The following PDZRN3 variants were observed in gnomAD, a reference collection of about 807,000 sequenced individuals.
PDZRN3 encodes the protein PDZ domain containing ring finger 3, also known as E3 ubiquitin-protein ligase PDZRN3.
A neutral mutation model predicts 85.7 loss-of-function variants in PDZRN3; 38 were observed. The observed-to-expected ratio is 0.44, with a 90% CI of 0.34 to 0.58. The LOEUF is 0.58. Among genes scored for constraint, PDZRN3 ranks in the 20% least tolerant of loss-of-function variants. The pLI is 0.01. For synonymous variants in PDZRN3, 759 were observed against 638.0 expected (o/e 1.19, Z -2.86); for missense variants, 1,629 against 1,506.4 (o/e 1.08, Z -1.35).
chr3:73,549,640 G>C (rs1232317810), intron 3 of PDZRN3, among the ~76,000 whole-genome samples: 1 of 152,202 alleles, frequency 6.6e-6, no homozygotes, highest in East Asian at 1.9e-4. Flanking sequence ...AATGGAACTA[G>C]AAGTCCCAAG....
chr3:73,569,711 T>G (rs1408923436), intron 3 of PDZRN3, among the ~76,000 whole-genome samples: 1 of 152,204 alleles, frequency 6.6e-6, no homozygotes, highest in East Asian at 1.9e-4. Flanking sequence ...ATGCACTCAC[T>G]GAGCCTACCC....
At chr3:73,498,588 C>CT (rs1186666541) in intron 3 of PDZRN3, among the ~76,000 whole-genome samples, 1,702 of 143,980 alleles carry the variant, frequency 0.012, 15 homozygotes, top group African/African-American at 0.038. Flanking sequence ...TGATTCATAA[C>CT]TTTTTTTTTT....
At chr3:73,560,407 T>A (rs767819515) in intron 3 of PDZRN3, among the ~76,000 whole-genome samples, 3 of 152,058 alleles carry the variant, frequency 2.0e-5, no homozygotes, top group Non-Finnish European at 4.4e-5. Flanking sequence ...CCCAACTATA[T>A]AAGGGTGTGT....
chr3:73,455,716 G>A (rs1049634226), intron 3 of PDZRN3, among the ~76,000 whole-genome samples: 1 of 152,154 alleles, frequency 6.6e-6, no homozygotes, highest in Non-Finnish European at 1.5e-5. Context: ...ATAATAGATC[G>A]TTTTTCTCTA....
At chr3:73,607,945 AAAGGATGGGAC>A (rs770304235) in intron 2 of PDZRN3, among the ~76,000 whole-genome samples, 2 of 152,224 alleles carry the variant, frequency 1.3e-5, no homozygotes, top group Non-Finnish European at 2.9e-5. Context: ...AGAAAAGGGT[AAAGGATGGGAC>A]ATATTCAGAT....
Position 73,443,485 on chromosome 3 carries a change from T to TC in PDZRN3, c.919-39091_919-39090insG, listed in dbSNP as rs5850111. ...TTGATTTATTTTCCTTTTTCTTTTT[T>TC]TTTTTTTTTTTTTGGGGGGGGGACA... On this transcript the variant is annotated intron_variant, in intron 3 of 9. Coordinates refer to ENST00000263666, the MANE Select transcript of PDZRN3 (RefSeq NM_015009.3). Among the ~76,000 whole-genome samples, 45 of 123,148 alleles carry TC rather than the reference T, an allele frequency of 3.7e-4. 2 individuals are homozygous for TC. Among genetic ancestry groups the TC allele is most frequent in the Admixed American group, 3.8e-4 (5 of 13,154 alleles). 80.8% of individuals were successfully genotyped at this position (123,148 alleles called of 152,430 possible).
chr3:73,582,119 G>T (rs114073130), intron 3 of PDZRN3, among the ~76,000 whole-genome samples: 2 of 152,038 alleles, frequency 1.3e-5, no homozygotes, highest in Non-Finnish European at 2.9e-5. Context: ...AAGAAAAACC[G>T]ACATCTCATA....
chr3:73,528,254 G>A (rs1704571114), intron 3 of PDZRN3, among the ~76,000 whole-genome samples: 1 of 152,226 alleles, frequency 6.6e-6, no homozygotes, highest in Non-Finnish European at 1.5e-5. Flanking sequence ...TTTAACTGGT[G>A]TGCCAGGAAG....
chr3:73,453,634 A>G (rs1702919574), intron 3 of PDZRN3, among the ~76,000 whole-genome samples: 1 of 151,818 alleles, frequency 6.6e-6, no homozygotes, highest in Admixed American at 6.6e-5. Context: ...TATATAATCA[A>G]GAATGATTTT....
At chr3:73,588,579 A>C (rs1165125252) in intron 3 of PDZRN3, among the ~76,000 whole-genome samples, 4 of 152,114 alleles carry the variant, frequency 2.6e-5, no homozygotes, top group Non-Finnish European at 4.4e-5. Flanking sequence ...TACTCCCACT[A>C]ATTAGTTTTG....
intron 2 of PDZRN3, among the ~76,000 whole-genome samples, chr3:73,603,543 T>C (rs959187949): frequency 2.0e-5 from 3 of 152,212 alleles, no homozygotes; most frequent in Admixed American, 6.5e-5. Context: ...TCATTTGAAA[T>C]GTAAGCTCAG....
intron 3 of PDZRN3, among the ~76,000 whole-genome samples, chr3:73,577,821 T>C (rs1476350617): frequency 6.6e-6 from 1 of 152,234 alleles, no homozygotes; most frequent in Non-Finnish European, 1.5e-5. Flanking sequence ...CTCTTCTTCC[T>C]GTACCCCAGA....
chr3:73,613,547 G>C (rs1009775783), intron 1 of PDZRN3, among the ~76,000 whole-genome samples: 10 of 152,208 alleles, frequency 6.6e-5, no homozygotes, highest in Admixed American at 6.5e-4. Context: ...CCATATCAGT[G>C]GGTCTCGATG....
chr3:73,539,788 G>A (rs977869358), intron 3 of PDZRN3, among the ~76,000 whole-genome samples: 1 of 152,038 alleles, frequency 6.6e-6, no homozygotes, highest in Non-Finnish European at 1.5e-5. Context: ...AAACCAAGGG[G>A]AAGAATACTG....
intron 3 of PDZRN3, among the ~76,000 whole-genome samples, chr3:73,408,676 C>T (rs1575630345): frequency 6.6e-6 from 1 of 152,072 alleles, no homozygotes; most frequent in Non-Finnish European, 1.5e-5. Flanking sequence ...TCATTACATT[C>T]TCTTAAAAGA....
chr3:73,416,876 G>GTTTTTTTTTTT (rs146381615), intron 3 of PDZRN3, among the ~76,000 whole-genome samples: 121 of 110,358 alleles, frequency 1.1e-3, no homozygotes, highest in Non-Finnish European at 1.5e-3. Flanking sequence ...TTTTTTTTTG[G>GTTTTTTTTTTT]TTTTTTTTTT....
chr3:73,573,295 G>A (rs538864466), intron 3 of PDZRN3, among the ~76,000 whole-genome samples: 2 of 152,306 alleles, frequency 1.3e-5, no homozygotes, highest in South Asian at 2.1e-4. Context: ...GTTACAGACT[G>A]TAGCAAGTGA....
chr3:73,492,040 G>C (rs1409953133), intron 3 of PDZRN3, among the ~76,000 whole-genome samples: 1 of 152,016 alleles, frequency 6.6e-6, no homozygotes, highest in Non-Finnish European at 1.5e-5. Context: ...AAAACACACA[G>C]ACCACTGAAA....
At chr3:73,613,238 G>A (rs747590008) in intron 1 of PDZRN3, among the ~76,000 whole-genome samples, 1 of 152,150 alleles carries the variant, frequency 6.6e-6, no homozygotes, top group Non-Finnish European at 1.5e-5. Context: ...GGAAGACGAG[G>A]GGAGCAGCTC....
Sources: gnomAD v4.1 joint callset for allele counts (sites outside exome capture counted in the v4.1 genomes callset) on GRCh38, gnomAD v4.1.1 for gene constraint, MANE v1.5 for transcripts, NCBI Gene and HGNC (gene_info 2026-07-23, HGNC 2026-07-21) for gene names.